The following CFAP46 variants were observed in gnomAD, a reference collection of about 807,000 sequenced individuals.
CFAP46 encodes the protein cilia- and flagella-associated protein 46.
CFAP46 carries 245 observed loss-of-function variants against 325.7 expected under a neutral mutation model. That is an observed-to-expected ratio of 0.75 (90% CI 0.68 to 0.84). CFAP46 has a LOEUF of 0.84. Ranked by LOEUF, CFAP46 falls within the 40% of genes least tolerant of loss-of-function variation. The pLI is 0.00. For synonymous variants in CFAP46, 1,523 were observed against 1,495.9 expected (o/e 1.02, Z -0.42); for missense variants, 3,346 against 3,543.0 (o/e 0.94, Z 1.41).
At chr10:132,815,026 A>G (rs994219975) in intron 50 of CFAP46, 112 bp from the exon 51 acceptor site, 16 of 995,056 alleles carry the variant, frequency 1.6e-5, no homozygotes, top group Non-Finnish European at 2.3e-5. Context: ...TGAAAAAAAA[A>G]ACAAGTTGTG....
intron 31 of CFAP46, among the ~76,000 whole-genome samples, chr10:132,873,694 G>A (rs1056970837): frequency 3.9e-5 from 6 of 152,174 alleles, no homozygotes; most frequent in Non-Finnish European, 8.8e-5. Context: ...CCTCAGGGAT[G>A]ACAACCAGGC....
chr10:132,898,067 T>A (rs1053653117), intron 24 of CFAP46, among the ~76,000 whole-genome samples: 1 of 152,160 alleles, frequency 6.6e-6, no homozygotes, highest in Admixed American at 6.5e-5. Context: ...TTTTGTGGGT[T>A]CTCTGTGGCT....
At chr10:132,880,821 G>A (rs1047573831) in intron 28 of CFAP46, 40 bp downstream of exon 28, 25 of 1,529,744 alleles carry the variant, frequency 1.6e-5, no homozygotes, top group Admixed American at 3.9e-5. Context: ...GCTCTGGGGA[G>A]CGGCGTGGGG....
Position 132,878,069 on chromosome 10 carries a change from C to A in CFAP46, c.4024G>T (p.Gly1342Ter). ...GGTCTGTTTTCCAGAACTGATTTTCCTGCTGTCATCAAAGAAACCTGGTGG... is the reference window on the plus strand; with the variant it reads ...GGTCTGTTTTCCAGAACTGATTTTCATGCTGTCATCAAAGAAACCTGGTGG... ...HIWQVSLMTA[G>*]KSVLENRPLA... Residue 1342 changes from glycine (G) to a stop codon, truncating the protein, a stop_gained, in exon 30 of 58, where the codon GGA becomes TGA. Transcript: ENST00000368586. LOFTEE classifies it high-confidence loss of function. 1 of 1,550,650 alleles carries A rather than the reference C, an allele frequency of 6.4e-7. No homozygotes were observed. Among genetic ancestry groups the A allele is most frequent in the Non-Finnish European group, 8.7e-7 (1 of 1,147,030 alleles).
In CFAP46 at chr10:132,936,954, G is replaced by T. The variant is rs371140126; in HGVS notation, c.755+7C>A. On this transcript the variant is annotated splice_region_variant and intron_variant, in intron 7 of 57. Transcript: ENST00000368586. The stretch of plus-strand genomic sequence containing the variant: ...CAGTATTTGCTCTCCCTCCCAAAAC[G>T]ACTTACGCCTTTAGCATATTAATAT... The T allele has an allele frequency of 6.7e-7, 1 of 1,502,932 alleles. No homozygotes were observed. The highest frequency in any genetic ancestry group is 1.4e-5 in the South Asian group (1 of 71,242). 93.1% of individuals were successfully genotyped at this position (1,502,932 alleles called of 1,614,324 possible).
At chr10:132,929,946 A>C in intron 8 of CFAP46, 142 bp from the exon 9 acceptor site, 2 of 663,816 alleles carry the variant, frequency 3.0e-6, no homozygotes, top group Non-Finnish European at 5.0e-6. Context: ...GTTAATTAGA[A>C]CAGAAGCCCT....
chr10:132,912,450 TCTCTCTC>T (rs1849560318), intron 19 of CFAP46, among the ~76,000 whole-genome samples, 198 bp downstream of exon 19: 1 of 135,330 alleles, frequency 7.4e-6, no homozygotes, highest in South Asian at 2.6e-4. Flanking sequence ...CTCTCCTCTC[TCTCTCTC>T]TTCACCTCTC....
At chr10:132,818,270 A>T (rs1370136776) in intron 50 of CFAP46, among the ~76,000 whole-genome samples, 1 of 149,546 alleles carries the variant, frequency 6.7e-6, no homozygotes, top group Admixed American at 6.9e-5. Flanking sequence ...CGTAGAAAAA[A>T]CCTTAAACTC....
chr10:132,810,163 A>G (rs775249797), intron 57 of CFAP46, among the ~76,000 whole-genome samples: 3 of 152,196 alleles, frequency 2.0e-5, no homozygotes, highest in Non-Finnish European at 4.4e-5. Context: ...GCCACGTGGC[A>G]CTGTGGGCCG....
intron 24 of CFAP46, among the ~76,000 whole-genome samples, chr10:132,893,987 CA>C (rs1849289137): frequency 1.3e-5 from 2 of 151,126 alleles, no homozygotes; most frequent in African/African-American, 4.9e-5. Flanking sequence ...CTGCTGGTAA[CA>C]CACTTTGAGG....
At chr10:132,870,583 T>G (rs538956833) in intron 32 of CFAP46, among the ~76,000 whole-genome samples, 28 of 152,254 alleles carry the variant, frequency 1.8e-4, no homozygotes, top group Non-Finnish European at 3.4e-4. Context: ...GTTTCCGTGG[T>G]CTGCGCCGAA....
intron 7 of CFAP46, 41 bp from the exon 8 acceptor site, chr10:132,934,903 CA>C (rs753481967): frequency 1.6e-6 from 2 of 1,226,780 alleles, no homozygotes; most frequent in African/African-American, 3.0e-5. Flanking sequence ...AAGATCCTGT[CA>C]GATTTATTCA....
At chr10:132,917,378 G>C (rs1169707866) in intron 16 of CFAP46, among the ~76,000 whole-genome samples, 1 of 152,268 alleles carries the variant, frequency 6.6e-6, no homozygotes, top group Non-Finnish European at 1.5e-5. Context: ...GTGGCTGCGA[G>C]CTCGGACCCG....
intron 29 of CFAP46, among the ~76,000 whole-genome samples, chr10:132,878,932 A>C (rs1339202385): frequency 6.6e-6 from 1 of 151,988 alleles, no homozygotes; most frequent in Admixed American, 6.5e-5. Context: ...CTTTACAGGG[A>C]GAGGTGGTAG....
At chr10:132,822,831 ATGTGTGCTGATGTGTGCAC>A (rs1303106841) in intron 50 of CFAP46, among the ~76,000 whole-genome samples, 502 of 72,678 alleles carry the variant, frequency 6.9e-3, no homozygotes, top group South Asian at 0.019. Context: ...GTGTGTGCTG[ATGTGTGCTGATGTGTGCAC>A]TGTGTGCTGT....
chr10:132,919,283 G>A lies in CFAP46; in HGVS notation c.1858+32C>T. The A allele has an allele frequency of 6.5e-7, 1 of 1,540,624 alleles. No individual in the cohort carries two copies. Among genetic ancestry groups the A allele is most frequent in the Non-Finnish European group, 8.8e-7 (1 of 1,141,114 alleles). On this transcript the variant is annotated intron_variant, in intron 15 of 57. Coordinates refer to ENST00000368586, the MANE Select transcript of CFAP46 (RefSeq NM_001200049.3). This position sits in a 1 kb window ranked among gnomAD's most constrained non-coding sequence, Gnocchi z 9.7. ...ACACCCAGAGGGCGGCCGTGGCCAGGCTGGGACACACTCGTGAGGGCGGGT... is the reference window on the plus strand; with the variant it reads ...ACACCCAGAGGGCGGCCGTGGCCAGACTGGGACACACTCGTGAGGGCGGGT...
Position 132,913,194 on chromosome 10 carries a change from G to A in CFAP46, c.2185C>T (p.Gln729Ter), listed in dbSNP as rs748920943. The A allele has an allele frequency of 6.5e-7, 1 of 1,550,364 alleles. No individual in the cohort carries two copies. The highest frequency in any genetic ancestry group is 1.4e-5 in the African/African-American group (1 of 73,062). ...NNWLRSAEIGQEIQEAWIVQN... is the reference protein window; with the variant it reads ...NNWLRSAEIG ...ACAATCCACGCCTCCTGGATCTCCT[G>A]TCCGATCTCTGCGGAGCGCAGCCAG... The change falls in exon 18 of 58, where the codon CAG becomes TAG. Residue 729 changes from glutamine (Q) to a stop codon, truncating the protein, a stop_gained. Transcript: ENST00000368586. LOFTEE classifies it high-confidence loss of function.
intron 31 of CFAP46, among the ~76,000 whole-genome samples, chr10:132,874,144 C>T (rs1374104921): frequency 2.6e-5 from 4 of 152,186 alleles, no homozygotes; most frequent in East Asian, 3.9e-4. Flanking sequence ...AAAAGGCCAG[C>T]GTAACTTTTA....
rs1335431025 is a variant in CFAP46 at position 132,912,290 on chromosome 10, C to T, written c.2499+365G>A. ...CCTCTCTCTTCTCCTCTCTCCTCCT[C>T]TCTCTCTCCTCTCTTTCTCCTGTCT... On this transcript the variant is annotated intron_variant, in intron 19 of 57. Coordinates refer to ENST00000368586, the MANE Select transcript of CFAP46 (RefSeq NM_001200049.3). Among the ~76,000 whole-genome samples the T allele has an allele frequency of 9.9e-5, 7 of 70,944 alleles. No homozygotes were observed. In the East Asian group the frequency reaches 1.9e-3, roughly 19 times the overall value. 46.5% of individuals were successfully genotyped at this position (70,944 alleles called of 152,430 possible). A position where few individuals can be genotyped will look rare whatever the true frequency, so the allele number is the denominator to read the frequency against.
Sources: allele counts gnomAD v4.1 joint callset (sites outside exome capture counted in the v4.1 genomes callset), GRCh38; gene constraint gnomAD v4.1.1; non-coding constraint Gnocchi (gnomAD v3.1); transcripts MANE v1.5; gene names NCBI Gene and HGNC (gene_info 2026-07-23, HGNC 2026-07-21).